Variants in SLC39A11 observed in about 807,000 individuals in gnomAD.
SLC39A11 encodes zinc transporter ZIP11.
SLC39A11 carries 33 observed loss-of-function variants against 36.1 expected under a neutral mutation model. That is an observed-to-expected ratio of 0.91 (90% CI 0.69 to 1.22). The LOEUF (loss-of-function observed/expected upper bound fraction) is 1.22. SLC39A11 is among the 50% of genes most tolerant of loss of function. SLC39A11 has a pLI of 0.00. For missense variants in SLC39A11, 432 were observed against 430.3 expected, an observed-to-expected ratio of 1.00 and a Z score of -0.03; for synonymous variants, 166 against 170.3, an observed-to-expected ratio of 0.97 and a Z score of 0.20.
chr17:73,042,479 A>G (rs890339546), intron 3 of SLC39A11, among the ~76,000 whole-genome samples: 5 of 152,184 alleles, frequency 3.3e-5, no homozygotes, highest in African/African-American at 1.2e-4. Flanking sequence ...AGGACACACA[A>G]ACTTGCAATC....
chr17:73,054,779 GC>G (rs1388640660), intron 3 of SLC39A11, among the ~76,000 whole-genome samples: 1 of 144,888 alleles, frequency 6.9e-6, no homozygotes, highest in Admixed American at 7.2e-5. Context: ...TTGCACTCCA[GC>G]CTGGGTGACA....
chr17:72,870,367 A>C (rs2080546028), intron 5 of SLC39A11, among the ~76,000 whole-genome samples: 1 of 152,232 alleles, frequency 6.6e-6, no homozygotes, highest in South Asian at 2.1e-4. Context: ...TCCTCTCCAG[A>C]CTGTGTTTAT....
chr17:72,968,909 G>C (rs11077649), intron 4 of SLC39A11, among the ~76,000 whole-genome samples: 141,927 of 152,086 alleles, frequency 0.93, 66,516 homozygotes, highest in Non-Finnish European at 0.98. Flanking sequence ...TGTGCCCTGC[G>C]CCTACACCGT....
intron 6 of SLC39A11, among the ~76,000 whole-genome samples, chr17:72,786,622 A>G (rs1447631577): frequency 6.6e-6 from 1 of 152,020 alleles, no homozygotes; most frequent in Non-Finnish European, 1.5e-5. Flanking sequence ...CTATTCCTCA[A>G]TGACAGGGAG....
rs528185529 is a variant in SLC39A11, at chr17:72,995,004, C to T, written c.306+36552G>A. On this transcript the variant is annotated intron_variant, in intron 4 of 9. Coordinates refer to ENST00000255559, the MANE Select transcript of SLC39A11 (RefSeq NM_139177.4). Reference sequence around the variant, plus strand: ...TTGCAGTAGCCAGTTAGGCAGCCAACAGCCATTCCCACTAGCATCTATGTC... The same window carrying T: ...TTGCAGTAGCCAGTTAGGCAGCCAATAGCCATTCCCACTAGCATCTATGTC... Among the ~76,000 whole-genome samples, 13 of 152,280 alleles carry T rather than the reference C, an allele frequency of 8.5e-5. No homozygotes were observed. In the South Asian group the frequency reaches 2.7e-3, roughly 32 times the overall value.
intron 6 of SLC39A11, among the ~76,000 whole-genome samples, chr17:72,784,882 T>C (rs2076453687): frequency 6.9e-6 from 1 of 145,604 alleles, no homozygotes; most frequent in African/African-American, 2.6e-5. Context: ...TTTTTTTAGA[T>C]GGAATCTCGC....
chr17:72,842,109 C>T (rs879378634), intron 6 of SLC39A11, among the ~76,000 whole-genome samples: 12 of 93,914 alleles, frequency 1.3e-4, no homozygotes, highest in Non-Finnish European at 2.0e-4. Context: ...TGTGCACGCA[C>T]GCGCATATGT....
intron 7 of SLC39A11, among the ~76,000 whole-genome samples, chr17:72,650,708 G>A (rs968163497): frequency 1.2e-4 from 18 of 152,284 alleles, no homozygotes; most frequent in African/African-American, 4.1e-4. Context: ...AGATAGAGAA[G>A]AGAAACTCCA....
At chr17:72,732,040 C>CTTTTCTTTTCTTTT (rs1555651341) in intron 7 of SLC39A11, among the ~76,000 whole-genome samples, 14 of 33,670 alleles carry the variant, frequency 4.2e-4, no homozygotes, top group African/African-American at 1.4e-3. Flanking sequence ...CTTTTCTTTT[C>CTTTTCTTTTCTTTT]TTTTTTTTTT....
At chr17:72,749,423 G>C (rs2075065877) in intron 6 of SLC39A11, among the ~76,000 whole-genome samples, 1 of 152,228 alleles carries the variant, frequency 6.6e-6, no homozygotes, top group African/African-American at 2.4e-5. Context: ...TATGAAAGTG[G>C]ACAGGCTTAT....
At chr17:73,060,437 A>G (rs1239120194) in intron 3 of SLC39A11, among the ~76,000 whole-genome samples, 1 of 152,120 alleles carries the variant, frequency 6.6e-6, no homozygotes, top group Non-Finnish European at 1.5e-5. Context: ...TGCTTTTTAT[A>G]TTCACCTTTG....
At chr17:72,674,965 G>GA (rs10718403) in intron 7 of SLC39A11, among the ~76,000 whole-genome samples, 1 of 151,752 alleles carries the variant, frequency 6.6e-6, no homozygotes, top group African/African-American at 2.4e-5. Flanking sequence ...TCGTTCATTG[G>GA]AAAAAAAAGT....
At chr17:72,930,508 C>T (rs2084320823) in intron 5 of SLC39A11, among the ~76,000 whole-genome samples, 1 of 152,106 alleles carries the variant, frequency 6.6e-6, no homozygotes, top group Non-Finnish European at 1.5e-5. Flanking sequence ...TTGAGTAGTA[C>T]TGGAACATAA....
At chr17:72,809,145 T>C (rs1939746939) in intron 6 of SLC39A11, among the ~76,000 whole-genome samples, 1 of 152,144 alleles carries the variant, frequency 6.6e-6, no homozygotes, top group African/African-American at 2.4e-5. Flanking sequence ...CCGGAGGATA[T>C]AATCTTGGTT....
intron 6 of SLC39A11, among the ~76,000 whole-genome samples, chr17:72,810,012 T>C (rs2077382791): frequency 2.0e-5 from 3 of 149,782 alleles, no homozygotes; most frequent in Non-Finnish European, 4.4e-5. Flanking sequence ...TGCAATAAGC[T>C]GAGATTATGC....
chr17:72,983,107 G>T (rs2088452326), intron 4 of SLC39A11, among the ~76,000 whole-genome samples: 2 of 151,974 alleles, frequency 1.3e-5, no homozygotes, highest in African/African-American at 4.8e-5. Flanking sequence ...TGATGGAATA[G>T]TACCCAGGGT....
chr17:72,951,093 T>C (rs2452917), intron 4 of SLC39A11, among the ~76,000 whole-genome samples: 44,572 of 142,184 alleles, frequency 0.31, 7,844 homozygotes, highest in East Asian at 0.59. Flanking sequence ...GAGGCCCCAT[T>C]TCTTAAAAAA....
chr17:72,852,398 G>A (rs890353504), intron 5 of SLC39A11, among the ~76,000 whole-genome samples: 17 of 152,078 alleles, frequency 1.1e-4, no homozygotes, highest in African/African-American at 4.1e-4. Flanking sequence ...GGGGTCTTTG[G>A]TCCTCCACAA....
At chr17:72,957,373 C>G (rs924647945) in intron 4 of SLC39A11, among the ~76,000 whole-genome samples, 1 of 152,156 alleles carries the variant, frequency 6.6e-6, no homozygotes, top group Non-Finnish European at 1.5e-5. Context: ...TATGAGGAAC[C>G]CCAGGAATTC....
Sources: gnomAD v4.1 joint callset for allele counts (sites outside exome capture counted in the v4.1 genomes callset) on GRCh38, gnomAD v4.1.1 for gene constraint, MANE v1.5 for transcripts, NCBI Gene and HGNC (gene_info 2026-07-23, HGNC 2026-07-21) for gene names.